SLC29A4: variants seen among roughly 807,000 people sequenced by gnomAD.
SLC29A4 encodes equilibrative nucleoside transporter 4.
Under a neutral mutation model 43.9 loss-of-function variants are expected in SLC29A4, and 36 were observed. The observed-to-expected ratio is 0.82, with a 90% CI of 0.63 to 1.08. SLC29A4 has a LOEUF of 1.08. Ranked by LOEUF, SLC29A4 falls within the 50% of genes least tolerant of loss-of-function variation. The pLI is 0.00. For synonymous variants in SLC29A4, 491 were observed against 338.0 expected (o/e 1.45, Z -4.97); for missense variants, 869 against 755.3 (o/e 1.15, Z -1.77).
rs140428222 is a variant in SLC29A4 at position 5,291,739 on chromosome 7, C to A, written c.462C>A (p.Asp154Glu). 1 of 1,611,846 alleles carries A rather than the reference C, an allele frequency of 6.2e-7. No individual in the cohort carries two copies. The highest frequency in any genetic ancestry group is 1.3e-5 in the African/African-American group (1 of 74,870). Reference sequence around the variant, plus strand: ...CTCTCCTTTTTATCAGCATCTGCGACGTGTGGCTGCAGCTCTTCTCTCGGG... The same window carrying A: ...CTCTCCTTTTTATCAGCATCTGCGAAGTGTGGCTGCAGCTCTTCTCTCGGG... ...LGPLLFISIC[D>E]VWLQLFSRDQ... is the part of the protein sequence containing the mutation. Residue 154 changes from aspartate (D) to glutamate (E), a missense_variant, in exon 5 of 11, where the codon GAC (aspartate) becomes GAA (glutamate). Transcript: ENST00000396872.
intron 2 of SLC29A4, among the ~76,000 whole-genome samples, chr7:5,288,356 G>C (rs1785096052): frequency 6.9e-6 from 1 of 144,478 alleles, no homozygotes; most frequent in African/African-American, 2.6e-5. Flanking sequence ...CCCGGCTGGA[G>C]TGCACTGGTG....
At chr7:5,286,339 A>G (rs1030621159) in intron 1 of SLC29A4, among the ~76,000 whole-genome samples, 1 of 152,068 alleles carries the variant, frequency 6.6e-6, no homozygotes, top group Non-Finnish European at 1.5e-5. Flanking sequence ...CCTGGCCAAC[A>G]TGGTGAAACG....
At chr7:5,288,783 G>GT in intron 2 of SLC29A4, among the ~76,000 whole-genome samples, 1 of 152,270 alleles carries the variant, frequency 6.6e-6, no homozygotes, top group East Asian at 1.9e-4. Flanking sequence ...CTGAGCCTTA[G>GT]TTTCACCACA....
chr7:5,299,527 T>G, intron 9 of SLC29A4, 100 bp downstream of exon 9: 1 of 1,285,066 alleles, frequency 7.8e-7, no homozygotes, highest in Non-Finnish European at 1.1e-6. Flanking sequence ...GAAGGATGCA[T>G]GTGGCTCCCA....
In SLC29A4 at chr7:5,305,036, A is replaced by C. The variant is rs1786411750; in HGVS notation, c.*2097A>C. The C allele has an allele frequency of 1.3e-5, 2 of 152,142 alleles. No homozygotes were observed. The highest frequency in any genetic ancestry group is 4.8e-5 in the African/African-American group (2 of 41,420). The allele number at this position is 152,142 out of a possible 1,614,324, so 9.4% of individuals were successfully genotyped here. ...TCTTGCTGTTGCCCAGACTGGTCTC[A>C]AAGTCTGGGCCTCAAGTGTTCCCCC... On this transcript the variant is annotated 3_prime_UTR_variant, in exon 11 of 11. Transcript: ENST00000396872.
At chr7:5,284,308 A>C (rs1583641355) in intron 1 of SLC29A4, among the ~76,000 whole-genome samples, 1 of 152,004 alleles carries the variant, frequency 6.6e-6, no homozygotes, top group South Asian at 2.1e-4. Flanking sequence ...CAGCTTGTGC[A>C]ACTGTTGAAT....
At chr7:5,288,156 A>G (rs899690938) in intron 2 of SLC29A4, among the ~76,000 whole-genome samples, 171 bp downstream of exon 2, 2 of 152,146 alleles carry the variant, frequency 1.3e-5, no homozygotes, top group Non-Finnish European at 2.9e-5. Context: ...CCACCTTCTC[A>G]GTGTCTCCGC....
chr7:5,302,383 AT>A (rs1554263911), intron 10 of SLC29A4, among the ~76,000 whole-genome samples: 1 of 152,108 alleles, frequency 6.6e-6, no homozygotes, highest in Non-Finnish European at 1.5e-5. Flanking sequence ...CTACAAAAAA[AT>A]TTTTTTAGGT....
chr7:5,300,875 C>G (rs563488842), intron 10 of SLC29A4, among the ~76,000 whole-genome samples: 3 of 152,326 alleles, frequency 2.0e-5, no homozygotes, highest in East Asian at 1.9e-4. Context: ...TGGTGAGCCC[C>G]TCCTGTGGAC....
Position 5,306,229 on chromosome 7 carries a change from G to A in SLC29A4, c.*3290G>A, listed in dbSNP as rs1292572306. ...TTTTTTTTTTTTTGAGACAATCTCT[G>A]TCACCCCCAGGCCAGAGTGCAGTGG... On this transcript the variant is annotated 3_prime_UTR_variant, in exon 11 of 11. Coordinates refer to ENST00000396872, the MANE Select transcript of SLC29A4 (RefSeq NM_153247.4). 1 of 77,902 alleles carries A rather than the reference G, an allele frequency of 1.3e-5. No individual in the cohort carries two copies. Among genetic ancestry groups the A allele is most frequent in the Non-Finnish European group, 2.3e-5 (1 of 43,230 alleles). The allele number at this position is 77,902 out of a possible 1,614,324, so 4.8% of individuals were successfully genotyped here. A position where few individuals can be genotyped will look rare whatever the true frequency, so the allele number is the denominator to read the frequency against.
chr7:5,294,260 T>TA (rs1163248178), intron 5 of SLC29A4, among the ~76,000 whole-genome samples: 2 of 152,116 alleles, frequency 1.3e-5, no homozygotes, highest in African/African-American at 4.8e-5. Context: ...AGATTTTAGT[T>TA]AGACAAAGAC....
chr7:5,299,219 C>G, intron 8 of SLC29A4, 21 bp from the exon 9 acceptor site: 2 of 1,603,844 alleles, frequency 1.2e-6, no homozygotes, highest in Non-Finnish European at 1.7e-6. Context: ...CTGCCTCTGA[C>G]CCCCGCCCGC....
At chr7:5,286,862 T>A (rs576466807) in intron 1 of SLC29A4, among the ~76,000 whole-genome samples, 1 of 152,170 alleles carries the variant, frequency 6.6e-6, no homozygotes, top group African/African-American at 2.4e-5. Flanking sequence ...AAATGAGTGA[T>A]AAAGGCAGCT....
At position 5,294,848 on chromosome 7, in the gene SLC29A4, C is replaced by CTG. The variant is rs780352347; in HGVS notation, c.545-11_545-10insGT. 5 of 1,611,946 alleles carry CTG rather than the reference C, an allele frequency of 3.1e-6. No individual in the cohort carries two copies. The East Asian group carries it at 1.1e-4, about 36-fold the overall frequency. ...TGGTGCCTCTGGGTTGTTCCTCTCT[C>CTG]TCTCTCTTAAGTGCAGCAATCCAGC... On this transcript the variant is annotated splice_polypyrimidine_tract_variant and intron_variant, in intron 5 of 10. Transcript: ENST00000396872.
Position 5,302,885 on chromosome 7 carries a change from C to A in SLC29A4, c.1539C>A (p.His513Gln). 3 of 1,604,856 alleles carry A rather than the reference C, an allele frequency of 1.9e-6. No homozygotes were observed. The highest frequency in any genetic ancestry group is 2.5e-6 in the Non-Finnish European group (3 of 1,176,532). Residue 513 changes from histidine to glutamine, a missense_variant, in exon 11 of 11, where the codon CAC (histidine) becomes CAA (glutamine). Transcript: ENST00000396872. ...CCTACAGCCTCACCCGCGACGCTCA[C>A]GGCAGCTGCCTGCACGCCTCCACCG... ...YCTYSLTRDA[H>Q]GSCLHASTAN...
In SLC29A4 at chr7:5,304,081, TTG is replaced by T. The variant is rs1179333540; in HGVS notation, c.*1145_*1146del. ...CTGCACCGCCGCCTGCAAGCAGAGT[TTG>T]TGCGTGGACGGGGGCTGGGACTGCC... On this transcript the variant is annotated 3_prime_UTR_variant, in exon 11 of 11. Coordinates refer to ENST00000396872, the MANE Select transcript of SLC29A4 (RefSeq NM_153247.4). 6.6e-6 allele frequency: 1 copy of T among 152,386 alleles called. No homozygotes were observed. The highest frequency in any genetic ancestry group is 1.5e-5 in the Non-Finnish European group (1 of 68,164). 9.4% of individuals were successfully genotyped at this position (152,386 alleles called of 1,614,324 possible). A position where few individuals can be genotyped will look rare whatever the true frequency, so the allele number is the denominator to read the frequency against.
chr7:5,285,142 G>A (rs562378435), intron 1 of SLC29A4, among the ~76,000 whole-genome samples: 9 of 152,240 alleles, frequency 5.9e-5, no homozygotes, highest in African/African-American at 2.2e-4. Context: ...GCCTCCCAAC[G>A]ACTCTTGAGC....
Position 5,291,604 on chromosome 7 carries a change from C to G in SLC29A4, c.416-89C>G. The G allele has an allele frequency of 3.3e-6, 5 of 1,493,300 alleles. No homozygotes were observed. In the South Asian group the frequency reaches 3.9e-5, roughly 12 times the overall value. The allele number at this position is 1,493,300 out of a possible 1,614,324, so 92.5% of individuals were successfully genotyped here. A position where few individuals can be genotyped will look rare whatever the true frequency, so the allele number is the denominator to read the frequency against. On this transcript the variant is annotated intron_variant, in intron 4 of 10. Coordinates refer to ENST00000396872, the MANE Select transcript of SLC29A4 (RefSeq NM_153247.4). ...CTTAAAGGGGAAGGGCAGAGAAAGC[C>G]TCAGAGCGACTCTGCAGGAGGGGCG... is the stretch of plus-strand genomic sequence containing the variant.
intron 9 of SLC29A4, among the ~76,000 whole-genome samples, chr7:5,299,697 G>T (rs1307153451): frequency 3.9e-5 from 6 of 152,254 alleles, no homozygotes; most frequent in Admixed American, 6.5e-5. Context: ...GGTCCCCTGG[G>T]GATGAGCACA....
Sources: allele counts gnomAD v4.1 joint callset (sites outside exome capture counted in the v4.1 genomes callset), GRCh38; gene constraint gnomAD v4.1.1; transcripts MANE v1.5; gene names NCBI Gene and HGNC (gene_info 2026-07-23, HGNC 2026-07-21).